HS3ST5: variants seen among roughly 807,000 people sequenced by gnomAD.
HS3ST5 encodes heparan sulfate-glucosamine 3-sulfotransferase 5.
Under a neutral mutation model 25.4 loss-of-function variants are expected in HS3ST5, and 10 were observed. That is an observed-to-expected ratio of 0.39 (90% CI 0.24 to 0.67). The LOEUF is 0.67. Ranked by LOEUF, HS3ST5 falls within the 30% of genes least tolerant of loss-of-function variation. HS3ST5 has a pLI of 0.44. For missense variants in HS3ST5, 324 were observed against 420.7 expected (o/e 0.77, Z 2.01); for synonymous variants, 170 against 162.4 (o/e 1.05, Z -0.36).
chr6:114,185,741 CTT>C (rs780172108), intron 2 of HS3ST5, among the ~76,000 whole-genome samples: 31 of 133,506 alleles, frequency 2.3e-4, no homozygotes, highest in Admixed American at 3.7e-4. Flanking sequence ...TTCTTTCTTT[CTT>C]TTTTTTTTTT....
chr6:114,104,870 C>T (rs146908347), intron 3 of HS3ST5, among the ~76,000 whole-genome samples: 82 of 152,274 alleles, frequency 5.4e-4, no homozygotes, highest in African/African-American at 1.9e-3. Flanking sequence ...CACCTTTGTC[C>T]ATCCACTTAA....
intron 2 of HS3ST5, among the ~76,000 whole-genome samples, chr6:114,218,918 A>G (rs1422346849): frequency 6.6e-6 from 1 of 152,192 alleles, no homozygotes; most frequent in Non-Finnish European, 1.5e-5. Context: ...AGAAATTTCT[A>G]TTTATTATTA....
chr6:114,256,200 A>T (rs527922380), intron 1 of HS3ST5, among the ~76,000 whole-genome samples: 46 of 152,188 alleles, frequency 3.0e-4, no homozygotes, highest in Admixed American at 1.2e-3. Context: ...CATCTTGGCT[A>T]ACACAGTGAA....
At chr6:114,202,609 G>T (rs1781079569) in intron 2 of HS3ST5, among the ~76,000 whole-genome samples, 1 of 152,156 alleles carries the variant, frequency 6.6e-6, no homozygotes, top group Admixed American at 6.6e-5. Flanking sequence ...TTCATTTACA[G>T]GTAAATGAGC....
intron 1 of HS3ST5, among the ~76,000 whole-genome samples, chr6:114,298,601 C>G (rs1041385049): frequency 6.6e-5 from 10 of 152,218 alleles, no homozygotes; most frequent in African/African-American, 2.4e-4. Context: ...GGCAGCACGA[C>G]TCCAGAGTAT....
At chr6:114,294,242 G>C (rs1355486879) in intron 1 of HS3ST5, among the ~76,000 whole-genome samples, 1 of 152,136 alleles carries the variant, frequency 6.6e-6, no homozygotes, top group Non-Finnish European at 1.5e-5. Flanking sequence ...TGCGGAATTA[G>C]TGTTCACCAA....
chr6:114,066,489 C>T (rs531516233), intron 3 of HS3ST5, among the ~76,000 whole-genome samples: 5 of 152,124 alleles, frequency 3.3e-5, no homozygotes, highest in East Asian at 3.9e-4. Flanking sequence ...AAAAATTAGC[C>T]GGGCATGATG....
chr6:114,337,016 T>G (rs1465752235), intron 1 of HS3ST5, among the ~76,000 whole-genome samples: 1 of 152,194 alleles, frequency 6.6e-6, no homozygotes, highest in Non-Finnish European at 1.5e-5. Flanking sequence ...ATTACAGGCA[T>G]TCTTCCTTTT....
intron 3 of HS3ST5, among the ~76,000 whole-genome samples, chr6:114,128,556 G>A (rs887487855): frequency 6.6e-6 from 1 of 152,170 alleles, no homozygotes; most frequent in African/African-American, 2.4e-5. Context: ...AATTAATGAT[G>A]TGTAAGCAGG....
At chr6:114,109,020 A>G (rs1056379543) in intron 3 of HS3ST5, among the ~76,000 whole-genome samples, 1 of 152,080 alleles carries the variant, frequency 6.6e-6, no homozygotes. Context: ...AAAGTTAGCC[A>G]GATGTGGTGG....
At chr6:114,202,344 C>G (rs1781061978) in intron 2 of HS3ST5, among the ~76,000 whole-genome samples, 1 of 152,096 alleles carries the variant, frequency 6.6e-6, no homozygotes. Context: ...TCCCATTGTA[C>G]TGTTTTCTAA....
chr6:114,204,290 C>T (rs928006002), intron 2 of HS3ST5, among the ~76,000 whole-genome samples: 5 of 152,164 alleles, frequency 3.3e-5, no homozygotes, highest in African/African-American at 1.2e-4. Context: ...GAGGCTTCTT[C>T]AGTTCAGCAT....
At position 114,188,858 on chromosome 6, in the gene HS3ST5, T is replaced by C. The variant is rs547922537; in HGVS notation, c.-144-20396A>G. 7.5e-4 allele frequency among the ~76,000 whole-genome samples: 114 copies of C among 152,310 alleles called. 1 individual carries two copies. The highest frequency in any genetic ancestry group is 2.7e-3 in the African/African-American group (112 of 41,566). ...TAGTACCATTCTCATCTGAGTCACA[T>C]AGCATTAGGTTTTCTGTTAATTTCC... On this transcript the variant is annotated intron_variant, in intron 2 of 4. Transcript: ENST00000312719.
intron 2 of HS3ST5, among the ~76,000 whole-genome samples, chr6:114,185,892 C>T (rs920042317): frequency 7.9e-5 from 12 of 152,074 alleles, no homozygotes; most frequent in Non-Finnish European, 1.8e-4. Flanking sequence ...GCACACATTA[C>T]TTTGCCAAAC....
At chr6:114,180,025 T>C (rs1474685599) in intron 2 of HS3ST5, among the ~76,000 whole-genome samples, 1 of 152,156 alleles carries the variant, frequency 6.6e-6, no homozygotes, top group Non-Finnish European at 1.5e-5. Context: ...CTGCTTTTTC[T>C]AGTTGTGCTG....
At chr6:114,301,408 G>C (rs1056360196) in intron 1 of HS3ST5, among the ~76,000 whole-genome samples, 2 of 152,170 alleles carry the variant, frequency 1.3e-5, no homozygotes, top group Non-Finnish European at 2.9e-5. Flanking sequence ...TGGATCCACT[G>C]TCAAACACTT....
intron 1 of HS3ST5, among the ~76,000 whole-genome samples, chr6:114,335,334 G>A (rs1359031): frequency 0.66 from 99,405 of 150,962 alleles, 33,191 homozygotes; most frequent in African/African-American, 0.75. Context: ...TCTAAGAATA[G>A]AATTAAACTT....
intron 1 of HS3ST5, among the ~76,000 whole-genome samples, chr6:114,264,126 G>T (rs1773299862): frequency 6.6e-6 from 1 of 151,932 alleles, no homozygotes; most frequent in South Asian, 2.1e-4. Context: ...ATATAGTATT[G>T]CTCTTATTTC....
rs141464541 is a variant in HS3ST5, at chr6:114,210,220, C to G, written c.-145+18365G>C. On this transcript the variant is annotated intron_variant, in intron 2 of 4. Transcript: ENST00000312719. ...TATGAGCAGTAGTGATTTTGTAGCT[C>G]CATTCATCTGTGTGCCCCTCTAGGT... Among the ~76,000 whole-genome samples the G allele has an allele frequency of 5.7e-3, 867 of 152,158 alleles. 7 individuals are homozygous for G. Among genetic ancestry groups the G allele is most frequent in the African/African-American group, 0.02 (833 of 41,520 alleles).
Sources: gnomAD v4.1 joint callset for allele counts (sites outside exome capture counted in the v4.1 genomes callset) on GRCh38, gnomAD v4.1.1 for gene constraint, MANE v1.5 for transcripts, NCBI Gene and HGNC (gene_info 2026-07-23, HGNC 2026-07-21) for gene names.